Variants in CNTN3 observed in about 807,000 individuals in gnomAD.
CNTN3 encodes the protein contactin 3.
CNTN3 carries 60 observed loss-of-function variants against 119.1 expected under a neutral mutation model. That is an observed-to-expected ratio of 0.50 (90% CI 0.41 to 0.62). The LOEUF is 0.62. CNTN3 is among the 20% of genes least tolerant of loss of function. The pLI, the probability that CNTN3 is intolerant of heterozygous loss-of-function variation, is 0.00. For missense variants in CNTN3, 1,101 were observed against 1,242.4 expected, an observed-to-expected ratio of 0.89 and a Z score of 1.71; for synonymous variants, 450 against 438.7, an observed-to-expected ratio of 1.03 and a Z score of -0.32.
At chr3:74,457,342 G>A (rs1575745372) in intron 4 of CNTN3, among the ~76,000 whole-genome samples, 1 of 151,918 alleles carries the variant, frequency 6.6e-6, no homozygotes, top group Admixed American at 6.6e-5. Flanking sequence ...ATGCATAGGG[G>A]TTAACAGCCA....
At chr3:74,320,314 T>C (rs1475546038) in intron 13 of CNTN3, among the ~76,000 whole-genome samples, 1 of 152,300 alleles carries the variant, frequency 6.6e-6, no homozygotes, top group South Asian at 2.1e-4. Flanking sequence ...GTGGCACATA[T>C]ACATCATGGA....
intron 1 of CNTN3, among the ~76,000 whole-genome samples, chr3:74,553,426 T>C (rs1412863423): frequency 6.6e-6 from 1 of 152,210 alleles, no homozygotes; most frequent in Non-Finnish European, 1.5e-5. Flanking sequence ...CATAGAATGA[T>C]TTATAATCCT....
intron 13 of CNTN3, among the ~76,000 whole-genome samples, chr3:74,332,374 A>G (rs1703286034): frequency 6.6e-6 from 1 of 152,240 alleles, no homozygotes; most frequent in African/African-American, 2.4e-5. Context: ...TAATGGCACA[A>G]AAAATTCTTA....
intron 10 of CNTN3, among the ~76,000 whole-genome samples, chr3:74,364,145 G>C (rs1267138521): frequency 6.6e-6 from 1 of 151,994 alleles, no homozygotes; most frequent in African/African-American, 2.4e-5. Flanking sequence ...ACCAGCAACG[G>C]GGAACACCAA....
At chr3:74,396,597 T>A (rs1265752417) in intron 5 of CNTN3, among the ~76,000 whole-genome samples, 1 of 151,240 alleles carries the variant, frequency 6.6e-6, no homozygotes, top group East Asian at 1.9e-4. Context: ...ATACAAAAAA[T>A]TAACTGGGCG....
chr3:74,307,006 G>A (rs955350387), intron 13 of CNTN3, among the ~76,000 whole-genome samples: 3 of 152,094 alleles, frequency 2.0e-5, no homozygotes, highest in African/African-American at 7.2e-5. Flanking sequence ...ACTTTTTGGG[G>A]TTTCAGTGAA....
At chr3:74,414,637 A>G (rs950513698) in intron 5 of CNTN3, among the ~76,000 whole-genome samples, 4 of 152,168 alleles carry the variant, frequency 2.6e-5, no homozygotes, top group African/African-American at 7.2e-5. Flanking sequence ...ATGAGCCACT[A>G]GAGTTTACAA....
chr3:74,423,131 T>C (rs1217514708), intron 5 of CNTN3, among the ~76,000 whole-genome samples: 1 of 152,118 alleles, frequency 6.6e-6, no homozygotes, highest in African/African-American at 2.4e-5. Flanking sequence ...AAATGGATTG[T>C]TTATGGAATT....
At chr3:74,339,755 G>A in intron 11 of CNTN3, among the ~76,000 whole-genome samples, 1 of 152,084 alleles carries the variant, frequency 6.6e-6, no homozygotes, top group East Asian at 1.9e-4. Context: ...TGCCTTTAGA[G>A]AGTCACTGTA....
rs747181636 is a variant in CNTN3, at chr3:74,365,680, G to C, written c.969C>G (p.Leu323=). ...CCACGGCTATTTCCACATCCTTTATGAGTTGAACCCAATGGGGCTTTGCTT... is the reference window on the plus strand; with the variant it reads ...CCACGGCTATTTCCACATCCTTTATCAGTTGAACCCAATGGGGCTTTGCTT... The part of the protein sequence containing the change: ...TYYAKPHWVQ[L]IKDVEIAVED... The change falls in exon 9 of 23, where the codon CTC becomes CTG. Residue 323 remains leucine, a synonymous_variant. Transcript: ENST00000263665. The C allele has an allele frequency of 6.2e-7, 1 of 1,613,128 alleles. No individual in the cohort carries two copies. Among genetic ancestry groups the C allele is most frequent in the South Asian group, 1.1e-5 (1 of 91,048 alleles).
intron 1 of CNTN3, among the ~76,000 whole-genome samples, chr3:74,572,654 C>T (rs28656228): frequency 6.6e-6 from 1 of 152,170 alleles, no homozygotes; most frequent in East Asian, 1.9e-4. Flanking sequence ...CTGTAACAGC[C>T]AGGAAAGCCT....
intron 11 of CNTN3, among the ~76,000 whole-genome samples, chr3:74,337,291 T>C (rs1296582997): frequency 6.6e-6 from 1 of 151,996 alleles, no homozygotes; most frequent in Non-Finnish European, 1.5e-5. Context: ...ATTAAGGAAA[T>C]ATAACTGAGT....
At chr3:74,364,908 GACTTT>G (rs1388726874) in intron 9 of CNTN3, among the ~76,000 whole-genome samples, 3 of 152,248 alleles carry the variant, frequency 2.0e-5, no homozygotes, top group African/African-American at 7.2e-5. Flanking sequence ...AAGGTACCGT[GACTTT>G]AAAACATGTT....
At chr3:74,462,818 G>A (rs1362486262) in intron 4 of CNTN3, among the ~76,000 whole-genome samples, 1 of 152,024 alleles carries the variant, frequency 6.6e-6, no homozygotes, top group Admixed American at 6.6e-5. Flanking sequence ...ATTCTCCTTA[G>A]GATAAAGCCT....
chr3:74,536,337 C>T (rs529525811), intron 1 of CNTN3, among the ~76,000 whole-genome samples: 1 of 152,010 alleles, frequency 6.6e-6, no homozygotes, highest in South Asian at 2.1e-4. Context: ...TCTAATTGTA[C>T]CCTATACTAA....
chr3:74,392,926 T>C (rs1704951678), intron 5 of CNTN3, among the ~76,000 whole-genome samples: 1 of 148,998 alleles, frequency 6.7e-6, no homozygotes, highest in South Asian at 2.1e-4. Flanking sequence ...CAGATCAAGG[T>C]CTAGAACATT....
rs182537291 is a variant in CNTN3, at chr3:74,328,997, C to T, written c.1668+5738G>A. ...ATATGCTTAAAAACTCAGAATACCC[C>T]CAGAAGTTGTTTGGGGAATGAGTGC... On this transcript the variant is annotated intron_variant, in intron 13 of 22. Coordinates refer to ENST00000263665, the MANE Select transcript of CNTN3 (RefSeq NM_020872.3). 2.0e-5 allele frequency among the ~76,000 whole-genome samples: 3 copies of T among 152,192 alleles called. No individual in the cohort carries two copies. The East Asian group carries it at 5.8e-4, about 29-fold the overall frequency.
intron 1 of CNTN3, among the ~76,000 whole-genome samples, chr3:74,535,077 A>T (rs1703746125): frequency 6.6e-6 from 1 of 152,114 alleles, no homozygotes; most frequent in Admixed American, 6.6e-5. Context: ...ACTCAAACCT[A>T]GGTCTCTAAC....
intron 4 of CNTN3, among the ~76,000 whole-genome samples, chr3:74,441,789 G>A (rs1701970625): frequency 6.6e-6 from 1 of 152,112 alleles, no homozygotes. Flanking sequence ...ACTGGCAGGA[G>A]AAATGCACTC....
Sources: gnomAD v4.1 joint callset for allele counts (sites outside exome capture counted in the v4.1 genomes callset) on GRCh38, gnomAD v4.1.1 for gene constraint, MANE v1.5 for transcripts, NCBI Gene and HGNC (gene_info 2026-07-23, HGNC 2026-07-21) for gene names.